Variants in PLXND1 observed in about 807,000 individuals in gnomAD.
PLXND1 encodes the protein plexin D1.
A neutral mutation model predicts 197.7 loss-of-function variants in PLXND1; 54 were observed. The ratio of observed to expected loss-of-function variants is 0.27; its 90% CI spans 0.22 to 0.34. PLXND1 has a LOEUF of 0.34. PLXND1 is among the 10% of genes least tolerant of loss of function. The pLI is 1.00. For missense variants in PLXND1, 2,127 were observed against 2,699.2 expected (o/e 0.79, Z 4.70); for synonymous variants, 1,180 against 1,161.2 (o/e 1.02, Z -0.33).
intron 10 of PLXND1, 77 bp from the exon 11 acceptor site, chr3:129,575,639 A>C: frequency 7.8e-7 from 1 of 1,282,544 alleles, no homozygotes; most frequent in Non-Finnish European, 1.1e-6. Flanking sequence ...TCATGGAGGC[A>C]GATGAAGTTG....
Position 129,557,280 on chromosome 3 carries a change from C to A in PLXND1, c.5446-57G>T. 1 of 1,602,218 alleles carries A rather than the reference C, an allele frequency of 6.2e-7. No individual in the cohort carries two copies. The highest frequency in any genetic ancestry group is 1.1e-5 in the South Asian group (1 of 90,164). The stretch of plus-strand genomic sequence containing the variant: ...CTGCTGGAGAAAGGACGGATCTGGT[C>A]GTTTTCTGGATGAGCCCTCATCCCT... On this transcript the variant is annotated intron_variant, in intron 33 of 35. Transcript: ENST00000324093. This position sits in a 1 kb window ranked among gnomAD's most constrained non-coding sequence, Gnocchi z 4.8.
intron 1 of PLXND1, among the ~76,000 whole-genome samples, chr3:129,598,304 G>A (rs990431836): frequency 6.6e-6 from 1 of 152,098 alleles, no homozygotes; most frequent in African/African-American, 2.4e-5. Context: ...TGATGAGCTG[G>A]TTAGTGTGTG....
In PLXND1 at chr3:129,556,050, T is replaced by G. The variant is rs2084968061; in HGVS notation, c.*262A>C. The G allele has an allele frequency of 4.3e-6, 2 of 468,750 alleles. No individual in the cohort carries two copies. Among genetic ancestry groups the G allele is most frequent in the Non-Finnish European group, 7.8e-6 (2 of 256,554 alleles). The allele number at this position is 468,750 out of a possible 1,614,324, so 29.0% of individuals were successfully genotyped here. On this transcript the variant is annotated 3_prime_UTR_variant, in exon 36 of 36. Coordinates refer to ENST00000324093, the MANE Select transcript of PLXND1 (RefSeq NM_015103.3). ...TGGGTGGGCACAGTGCAGGCCGTGC[T>G]GGGCAGATGGGGGAGCCTGACCAGC...
chr3:129,601,411 G>A (rs562756121), intron 1 of PLXND1, among the ~76,000 whole-genome samples: 1 of 152,282 alleles, frequency 6.6e-6, no homozygotes, highest in South Asian at 2.1e-4. Context: ...CCAGGCTCTG[G>A]AGTTGTGGGC....
chr3:129,586,125 A>C (rs1578344003), intron 4 of PLXND1, 44 bp from the exon 5 acceptor site: 1 of 1,611,238 alleles, frequency 6.2e-7, no homozygotes, highest in East Asian at 2.2e-5. Context: ...AGCTCCTCCC[A>C]CCCCCACAGC....
At chr3:129,600,611 G>A (rs746175065) in intron 1 of PLXND1, among the ~76,000 whole-genome samples, 5 of 151,840 alleles carry the variant, frequency 3.3e-5, no homozygotes, top group African/African-American at 7.3e-5. Flanking sequence ...GGCTGGGAGG[G>A]ATGTCTCCTG....
intron 10 of PLXND1, 88 bp from the exon 11 acceptor site, chr3:129,575,650 G>C (rs2085302354): frequency 3.2e-6 from 4 of 1,238,640 alleles, no homozygotes; most frequent in Non-Finnish European, 4.6e-6. Flanking sequence ...GATGAAGTTG[G>C]GGCTGCTGGG....
intron 9 of PLXND1, 103 bp from the exon 10 acceptor site, chr3:129,575,958 G>A: frequency 1.4e-6 from 1 of 727,532 alleles, no homozygotes; most frequent in African/African-American, 1.7e-5. Flanking sequence ...TGGGAAAGGT[G>A]GGCTTGGTCG....
chr3:129,565,398 G>T lies in PLXND1; in HGVS notation c.4463C>A (p.Ser1488Tyr). Residue 1488 changes from serine to tyrosine, a missense_variant, in exon 25 of 36, where the codon TCT becomes TAT. Transcript: ENST00000324093. Reference sequence around the variant, plus strand: ...GTTGGTGAGCATCTTCTCCACCACAGACTCTGTGCGCCGCAGCATGAGCTT... The same window carrying T: ...GTTGGTGAGCATCTTCTCCACCACATACTCTGTGCGCCGCAGCATGAGCTT... ...NPKLMLRRTE[S>Y]VVEKMLTNWM... 6.2e-7 allele frequency: 1 copy of T among 1,614,146 alleles called. No individual in the cohort carries two copies. The highest frequency in any genetic ancestry group is 1.6e-4 in the Middle Eastern group (1 of 6,062).
In PLXND1 at chr3:129,560,823, A is replaced by G. The variant is rs1237975739; in HGVS notation, c.4994-100T>C. ...AGTGAGAAACAGAAACAAGACAGAAAGATGGGGAGAGAAACAGAAGCAGAG... is the reference window on the plus strand; with the variant it reads ...AGTGAGAAACAGAAACAAGACAGAAGGATGGGGAGAGAAACAGAAGCAGAG... On this transcript the variant is annotated intron_variant, in intron 29 of 35. Coordinates refer to ENST00000324093, the MANE Select transcript of PLXND1 (RefSeq NM_015103.3). 6.4e-6 allele frequency: 5 copies of G among 777,992 alleles called. No individual in the cohort carries two copies. In the Admixed American group the frequency reaches 9.4e-5, roughly 15 times the overall value. The allele number at this position is 777,992 out of a possible 1,614,324, so 48.2% of individuals were successfully genotyped here.
chr3:129,603,635 C>T (rs1304736611), intron 1 of PLXND1, among the ~76,000 whole-genome samples: 2 of 152,224 alleles, frequency 1.3e-5, no homozygotes, highest in Non-Finnish European at 2.9e-5. Flanking sequence ...GCTCACCCAC[C>T]GTGACCTTTA....
Position 129,572,837 on chromosome 3 carries a change from C to T in PLXND1, c.2937+5G>A. 1 of 1,613,380 alleles carries T rather than the reference C, an allele frequency of 6.2e-7. No individual in the cohort carries two copies. The highest frequency in any genetic ancestry group is 1.1e-5 in the South Asian group (1 of 91,076). ...GCCGGACAGTGGGCTGCAGCCCCCC[C>T]TTACCACGTAGGAGAAGCGGTCCCG... On this transcript the variant is annotated splice_donor_5th_base_variant and intron_variant, in intron 14 of 35. Transcript: ENST00000324093.
chr3:129,597,748 T>G (rs1198521085), intron 1 of PLXND1, among the ~76,000 whole-genome samples: 1 of 152,214 alleles, frequency 6.6e-6, no homozygotes, highest in African/African-American at 2.4e-5. Context: ...GTCTGTTTGG[T>G]TCGGCCCTGG....
chr3:129,562,324 G>T, intron 27 of PLXND1: 1 of 265,108 alleles, frequency 3.8e-6, no homozygotes, highest in South Asian at 5.3e-5. Flanking sequence ...ACCAGCCTGG[G>T]CAGCACAGCA....
rs1560055572 is a variant in PLXND1 at position 129,556,390 on chromosome 3, C to T, written c.5700G>A (p.Arg1900=). 6.2e-7 allele frequency: 1 copy of T among 1,614,210 alleles called. No individual in the cohort carries two copies. Among genetic ancestry groups the T allele is most frequent in the African/African-American group, 1.3e-5 (1 of 75,068 alleles). ...AALEANPTAR[R]TQLQHKFEQV... ...GCTCAAACTTGTGCTGCAGTTGTGTCCTCCGGGCCGTGGGGTTGGCCTCCA... is the reference window on the plus strand; with the variant it reads ...GCTCAAACTTGTGCTGCAGTTGTGTTCTCCGGGCCGTGGGGTTGGCCTCCA... The change falls in exon 36 of 36, where the codon AGG becomes AGA. Residue 1900 remains arginine (R), a synonymous_variant. Transcript: ENST00000324093.
At chr3:129,582,714 T>C (rs1260546952) in intron 8 of PLXND1, among the ~76,000 whole-genome samples, 4 of 152,214 alleles carry the variant, frequency 2.6e-5, no homozygotes, top group Admixed American at 2.6e-4. Context: ...AGTGAACAAG[T>C]CTCAGAAACC....
At chr3:129,578,619 G>A (rs540391265) in intron 8 of PLXND1, 186 bp from the exon 9 acceptor site, 21 of 582,810 alleles carry the variant, frequency 3.6e-5, no homozygotes, top group Non-Finnish European at 5.5e-5. Context: ...CATCCTATGG[G>A]CAGGTCGCAT....
At chr3:129,590,953 T>G (rs2085531710) in intron 1 of PLXND1, among the ~76,000 whole-genome samples, 1 of 152,278 alleles carries the variant, frequency 6.6e-6, no homozygotes, top group Non-Finnish European at 1.5e-5. Context: ...TTTTTCTTTT[T>G]AAATTTCTTG....
chr3:129,562,423 T>A (rs566548243), intron 27 of PLXND1: 3 of 235,412 alleles, frequency 1.3e-5, no homozygotes, highest in Admixed American at 5.0e-5. Context: ...AATGAGGGGA[T>A]CACTTGAGCC....
Sources: gnomAD v4.1 joint callset for allele counts (sites outside exome capture counted in the v4.1 genomes callset) on GRCh38, gnomAD v4.1.1 for gene constraint, Gnocchi (gnomAD v3.1) non-coding constraint, MANE v1.5 for transcripts, NCBI Gene and HGNC (gene_info 2026-07-23, HGNC 2026-07-21) for gene names.